The following DTNA variants were observed in gnomAD, a reference collection of about 807,000 sequenced individuals.
DTNA encodes dystrophin-related protein 3.
A neutral mutation model predicts 100.7 loss-of-function variants in DTNA; 43 were observed. That is an observed-to-expected ratio of 0.43 (90% CI 0.33 to 0.55). The LOEUF (loss-of-function observed/expected upper bound fraction) is 0.55, where lower values mean the gene tolerates loss of function less well. Among genes scored for constraint, DTNA ranks in the 20% least tolerant of loss-of-function variants. The probability of loss-of-function intolerance (pLI) is 0.04; values close to 1 mark genes in which losing one functional copy is unlikely to be tolerated. For synonymous variants in DTNA, 349 were observed against 347.9 expected (o/e 1.00, Z -0.04); for missense variants, 798 against 953.9 (o/e 0.84, Z 2.15).
intron 1 of DTNA, among the ~76,000 whole-genome samples, chr18:34,561,014 TAAG>T (rs1250120773): frequency 2.0e-5 from 3 of 152,236 alleles, no homozygotes; most frequent in African/African-American, 7.2e-5. Flanking sequence ...TTTAACATAT[TAAG>T]TTCTATATTT....
chr18:34,858,675 G>A (rs1383739632), intron 16 of DTNA, among the ~76,000 whole-genome samples: 3 of 152,182 alleles, frequency 2.0e-5, no homozygotes, highest in African/African-American at 7.2e-5. Context: ...GCAATGGCAC[G>A]ATCTCGGTTC....
At chr18:34,715,338 G>A (rs2083815619) in intron 1 of DTNA, among the ~76,000 whole-genome samples, 1 of 152,032 alleles carries the variant, frequency 6.6e-6, no homozygotes, top group Non-Finnish European at 1.5e-5. Context: ...ATATAAAGGG[G>A]CAATTAACTG....
At chr18:34,652,107 G>A (rs889407390) in intron 1 of DTNA, among the ~76,000 whole-genome samples, 1 of 148,252 alleles carries the variant, frequency 6.7e-6, no homozygotes, top group Non-Finnish European at 1.5e-5. Context: ...AGGAAGGTAG[G>A]AAGGAAGGAG....
intron 1 of DTNA, among the ~76,000 whole-genome samples, chr18:34,560,814 T>G (rs1161657812): frequency 6.6e-6 from 1 of 152,040 alleles, no homozygotes; most frequent in East Asian, 1.9e-4. Flanking sequence ...CCCAGCTACT[T>G]GAGAGGCTGA....
At chr18:34,603,347 G>T (rs2052355318) in intron 1 of DTNA, among the ~76,000 whole-genome samples, 1 of 151,880 alleles carries the variant, frequency 6.6e-6, no homozygotes, top group Non-Finnish European at 1.5e-5. Flanking sequence ...ATAAAGCTAA[G>T]AATTTTAAAG....
chr18:34,674,727 C>T (rs1235224418), intron 1 of DTNA, among the ~76,000 whole-genome samples: 1 of 152,178 alleles, frequency 6.6e-6, no homozygotes, highest in Non-Finnish European at 1.5e-5. Flanking sequence ...TTTATTCAAA[C>T]AAGCATTTAG....
At chr18:34,690,283 T>G (rs547055670) in intron 1 of DTNA, among the ~76,000 whole-genome samples, 1 of 152,284 alleles carries the variant, frequency 6.6e-6, no homozygotes, top group South Asian at 2.1e-4. Flanking sequence ...GCACAGGCAC[T>G]CAAGAGCATC....
intron 1 of DTNA, among the ~76,000 whole-genome samples, chr18:34,695,833 C>T (rs1024769448): frequency 2.0e-5 from 3 of 152,162 alleles, no homozygotes; most frequent in Non-Finnish European, 4.4e-5. Context: ...ACAGCTTTTT[C>T]CACGTGTTCC....
rs984395330 is a variant in DTNA at position 34,779,364 on chromosome 18, C to T, written c.148+13323C>T. ...ACATCTTACTGAGTACCTTGAGGGA[C>T]ATGGAGATTATTCAGACTTGGAGCT... is the stretch of plus-strand genomic sequence containing the variant. On this transcript the variant is annotated intron_variant, in intron 3 of 22. Transcript: ENST00000444659. 2.0e-5 allele frequency among the ~76,000 whole-genome samples: 3 copies of T among 152,182 alleles called. No homozygotes were observed. In the East Asian group the frequency reaches 5.8e-4, roughly 29 times the overall value.
rs559690215 is a variant in DTNA, at chr18:34,868,368, C to T, written c.1743+4306C>T. Reference sequence around the variant, plus strand: ...CCTCAGTCAAAATTAAAAGCAGAACCTTATCAATCCCAGCCCTATAGAGGC... The same window carrying T: ...CCTCAGTCAAAATTAAAAGCAGAACTTTATCAATCCCAGCCCTATAGAGGC... On this transcript the variant is annotated intron_variant, in intron 17 of 22. Coordinates refer to ENST00000444659, the MANE Select transcript of DTNA (RefSeq NM_001386795.1). 51 of 628,024 alleles carry T rather than the reference C, an allele frequency of 8.1e-5. No homozygotes were observed. In the African/African-American group the frequency reaches 9.9e-4, roughly 12 times the overall value. 38.9% of individuals were successfully genotyped at this position (628,024 alleles called of 1,614,324 possible). A position where few individuals can be genotyped will look rare whatever the true frequency, so the allele number is the denominator to read the frequency against.
intron 1 of DTNA, among the ~76,000 whole-genome samples, chr18:34,526,380 C>T (rs1164968171): frequency 6.6e-6 from 1 of 152,084 alleles, no homozygotes; most frequent in Non-Finnish European, 1.5e-5. Flanking sequence ...TGACTGATCT[C>T]AGATATTAGT....
chr18:34,556,171 T>C (rs1370266490), intron 1 of DTNA, among the ~76,000 whole-genome samples: 6 of 151,768 alleles, frequency 4.0e-5, no homozygotes, highest in Non-Finnish European at 8.8e-5. Flanking sequence ...AGGTCTGTTT[T>C]ATCAGAGACT....
At chr18:34,647,819 A>G (rs568667905) in intron 1 of DTNA, among the ~76,000 whole-genome samples, 1 of 152,368 alleles carries the variant, frequency 6.6e-6, no homozygotes, top group East Asian at 1.9e-4. Context: ...AGCTTGGAAC[A>G]TGCCTCTCTG....
At chr18:34,569,903 AC>A (rs1373368849) in intron 1 of DTNA, among the ~76,000 whole-genome samples, 45 of 152,092 alleles carry the variant, frequency 3.0e-4, no homozygotes, top group Non-Finnish European at 5.4e-4. Flanking sequence ...ACACACACAC[AC>A]ACACAAAATA....
chr18:34,655,383 GC>G (rs1402203918), intron 1 of DTNA, among the ~76,000 whole-genome samples: 1 of 151,990 alleles, frequency 6.6e-6, no homozygotes, highest in African/African-American at 2.4e-5. Context: ...ACCTCCACTT[GC>G]CTGCTCAAAG....
At chr18:34,665,434 T>TTATTACACTTA (rs1388304326) in intron 1 of DTNA, among the ~76,000 whole-genome samples, 22 of 152,292 alleles carry the variant, frequency 1.4e-4, no homozygotes, top group African/African-American at 5.3e-4. Context: ...TATATATTTT[T>TTATTACACTTA]TATTACACTT....
chr18:34,725,891 A>G (rs1478761512), intron 1 of DTNA, among the ~76,000 whole-genome samples: 4 of 152,226 alleles, frequency 2.6e-5, no homozygotes, highest in African/African-American at 7.2e-5. Flanking sequence ...AATGTGGCAC[A>G]TATACACCAT....
intron 1 of DTNA, among the ~76,000 whole-genome samples, chr18:34,645,740 G>A (rs1030995193): frequency 6.6e-6 from 1 of 152,074 alleles, no homozygotes; most frequent in Admixed American, 6.6e-5. Flanking sequence ...GTCTTTTCTA[G>A]AACTCTGTAA....
chr18:34,603,166 G>A (rs2147249572), intron 1 of DTNA, among the ~76,000 whole-genome samples: 1 of 151,874 alleles, frequency 6.6e-6, no homozygotes, highest in African/African-American at 2.4e-5. Flanking sequence ...AGTAGTGTTT[G>A]TGCCACTGCT....
Sources: gnomAD v4.1 joint callset for allele counts (sites outside exome capture counted in the v4.1 genomes callset) on GRCh38, gnomAD v4.1.1 for gene constraint, MANE v1.5 for transcripts, NCBI Gene and HGNC (gene_info 2026-07-23, HGNC 2026-07-21) for gene names.